Variants in RICTOR observed in about 807,000 individuals in gnomAD.
RICTOR encodes RPTOR independent companion of MTOR complex 2.
A neutral mutation model predicts 214.9 loss-of-function variants in RICTOR; 49 were observed. That is an observed-to-expected ratio of 0.23 (90% CI 0.18 to 0.29). RICTOR has a LOEUF of 0.29. Among genes scored for constraint, RICTOR ranks in the 10% least tolerant of loss-of-function variants. RICTOR has a pLI of 1.00. For synonymous variants in RICTOR, 717 were observed against 711.3 expected (o/e 1.01, Z -0.13); for missense variants, 1,625 against 2,047.0 (o/e 0.79, Z 3.98).
At position 38,954,858 on chromosome 5, in the gene RICTOR, T is replaced by A; in HGVS notation, c.2613A>T (p.Leu871Phe). Reference protein sequence around the residue: ...DNYVRRSNQRLQRPHVYLPIH... With the variant: ...DNYVRRSNQRFQRPHVYLPIH... ...TAGGCAGGTAGACGTGAGGACGCTG[T>A]AATCTAGTATAATAAAGATGATTAC... Residue 871 changes from leucine (L) to phenylalanine (F), a missense_variant, in exon 27 of 38, where the codon TTA becomes TTT. Leu to Phe is a conservative substitution (Grantham distance 22). This residue lies in a region of RICTOR where 1,214 missense variants were observed against 1,470.5 expected (regional missense o/e 0.83). Transcript: ENST00000357387. The A allele has an allele frequency of 6.6e-7, 1 of 1,509,208 alleles. No individual in the cohort carries two copies. The highest frequency in any genetic ancestry group is 9.2e-7 in the Non-Finnish European group (1 of 1,087,450). 93.5% of individuals were successfully genotyped at this position (1,509,208 alleles called of 1,614,324 possible).
At chr5:39,047,017 G>T (rs181049081) in intron 2 of RICTOR, among the ~76,000 whole-genome samples, 1 of 151,908 alleles carries the variant, frequency 6.6e-6, no homozygotes, top group Non-Finnish European at 1.5e-5. Context: ...TTTGTGGTGT[G>T]TCCACCTCAA....
intron 2 of RICTOR, among the ~76,000 whole-genome samples, chr5:39,060,569 T>C (rs1265055801): frequency 1.3e-5 from 2 of 151,988 alleles, no homozygotes; most frequent in African/African-American, 4.8e-5. Context: ...TCAATATTCA[T>C]AATGATGACC....
chr5:39,003,671 C>T (rs1753817142), intron 3 of RICTOR, 49 bp from the exon 4 acceptor site: 1 of 1,123,964 alleles, frequency 8.9e-7, no homozygotes, highest in Admixed American at 1.8e-5. Context: ...TATATTTTCA[C>T]ATATTTATAT....
Position 38,971,887 on chromosome 5 carries a change from A to G in RICTOR, c.962T>C (p.Met321Thr), listed in dbSNP as rs752536475. ...SLIGVLCIPN[M>T]EIRRGLLEVL... ...ATAACTTTTACCTACCCTTATTTCC[A>G]TATTTGGTATGCAAAGTACTCCTAT... Residue 321 changes from methionine to threonine, a missense_variant, in exon 11 of 38, where the codon ATG becomes ACG. Transcript: ENST00000357387. 5 of 1,381,792 alleles carry G rather than the reference A, an allele frequency of 3.6e-6. No individual in the cohort carries two copies. The highest frequency in any genetic ancestry group is 4.6e-5 in the East Asian group (2 of 43,598). 85.6% of individuals were successfully genotyped at this position (1,381,792 alleles called of 1,614,324 possible). A position where few individuals can be genotyped will look rare whatever the true frequency, so the allele number is the denominator to read the frequency against.
intron 2 of RICTOR, among the ~76,000 whole-genome samples, chr5:39,043,602 A>G (rs1393538636): frequency 2.0e-5 from 3 of 152,146 alleles, no homozygotes; most frequent in African/African-American, 7.2e-5. Flanking sequence ...TAACTAGGAG[A>G]AAGGATTTTG....
chr5:38,978,383 G>A (rs568213384), intron 9 of RICTOR, among the ~76,000 whole-genome samples, 200 bp downstream of exon 9: 1 of 151,974 alleles, frequency 6.6e-6, no homozygotes, highest in African/African-American at 2.4e-5. Flanking sequence ...TTGGAAATAA[G>A]AAATTAATCT....
At chr5:39,046,292 T>C (rs1243927273) in intron 2 of RICTOR, among the ~76,000 whole-genome samples, 1 of 150,832 alleles carries the variant, frequency 6.6e-6, no homozygotes, top group Non-Finnish European at 1.5e-5. Context: ...TGAGCCCAGG[T>C]GATTGAAGCT....
intron 3 of RICTOR, among the ~76,000 whole-genome samples, chr5:39,004,822 C>T (rs182066430): frequency 7.3e-6 from 1 of 136,270 alleles, no homozygotes; most frequent in Admixed American, 7.9e-5. Context: ...ATTCTTGTTG[C>T]CCAGACTGGA....
At chr5:38,946,307 G>A (rs1325286334) in intron 33 of RICTOR, among the ~76,000 whole-genome samples, 161 bp downstream of exon 33, 1 of 152,162 alleles carries the variant, frequency 6.6e-6, no homozygotes, top group Non-Finnish European at 1.5e-5. Context: ...CAAAAATGTG[G>A]TTTAATTTTA....
chr5:38,957,544 C>T (rs949799824), intron 25 of RICTOR, 108 bp downstream of exon 25: 2 of 690,818 alleles, frequency 2.9e-6, no homozygotes, highest in African/African-American at 1.9e-5. Flanking sequence ...AAATATTTAA[C>T]CTTATTAATT....
chr5:38,960,147 T>C (rs1486213826), intron 20 of RICTOR, among the ~76,000 whole-genome samples, 169 bp from the exon 21 acceptor site: 1 of 152,182 alleles, frequency 6.6e-6, no homozygotes, highest in Non-Finnish European at 1.5e-5. Context: ...CAATGCTGCA[T>C]GGAGATGATA....
At chr5:39,063,634 A>G (rs1446988829) in intron 2 of RICTOR, among the ~76,000 whole-genome samples, 1 of 152,126 alleles carries the variant, frequency 6.6e-6, no homozygotes, top group Non-Finnish European at 1.5e-5. Context: ...TATGCTTCAA[A>G]TACTACTGTC....
intron 8 of RICTOR, among the ~76,000 whole-genome samples, chr5:38,979,825 G>A (rs938592453): frequency 3.9e-5 from 6 of 152,284 alleles, no homozygotes; most frequent in African/African-American, 1.4e-4. Flanking sequence ...TAGAAACAAA[G>A]TTTTGGCCAC....
chr5:38,981,825 T>C, intron 8 of RICTOR, 42 bp downstream of exon 8: 1 of 1,339,054 alleles, frequency 7.5e-7, no homozygotes. Context: ...TATACATTTA[T>C]AATAATATTT....
intron 2 of RICTOR, among the ~76,000 whole-genome samples, chr5:39,039,244 G>T (rs1320496413): frequency 6.6e-6 from 1 of 152,096 alleles, no homozygotes; most frequent in Non-Finnish European, 1.5e-5. Flanking sequence ...AAATGGTGCT[G>T]GGAAAACTGG....
At chr5:38,946,376 C>T in intron 33 of RICTOR, 92 bp downstream of exon 33, 2 of 774,960 alleles carry the variant, frequency 2.6e-6, no homozygotes, top group East Asian at 2.5e-5. Context: ...GTGAGTCTTC[C>T]TAAATTTTTA....
chr5:39,056,624 G>A (rs902162595), intron 2 of RICTOR, among the ~76,000 whole-genome samples: 5 of 151,398 alleles, frequency 3.3e-5, no homozygotes, highest in Admixed American at 6.6e-5. Context: ...ATGACAAAGC[G>A]AGACCCTGTC....
chr5:38,982,789 C>CAT (rs1015143716), intron 7 of RICTOR, among the ~76,000 whole-genome samples: 5 of 49,802 alleles, frequency 1.0e-4, no homozygotes, highest in African/African-American at 3.3e-4. Context: ...TATATATATA[C>CAT]ATATATATAC....
intron 2 of RICTOR, among the ~76,000 whole-genome samples, chr5:39,043,194 T>C (rs772181135): frequency 5.3e-5 from 8 of 152,128 alleles, no homozygotes; most frequent in Non-Finnish European, 1.2e-4. Flanking sequence ...TACCATATTT[T>C]TTGCACCACT....
Sources: gnomAD v4.1 joint callset for allele counts (sites outside exome capture counted in the v4.1 genomes callset) on GRCh38, gnomAD v4.1.1 for gene constraint, gnomAD v4.1.1 regional missense constraint, MANE v1.5 for transcripts, NCBI Gene and HGNC (gene_info 2026-07-23, HGNC 2026-07-21) for gene names.